Variants in PPM1K observed in about 807,000 individuals in gnomAD.
PPM1K encodes protein phosphatase Mn(2+)-dependent 1K.
A neutral mutation model predicts 32.6 loss-of-function variants in PPM1K; 19 were observed. That is an observed-to-expected ratio of 0.58 (90% CI 0.41 to 0.86). PPM1K has a LOEUF of 0.86. PPM1K is among the 40% of genes least tolerant of loss of function. PPM1K has a pLI of 0.00. For missense variants in PPM1K, 362 were observed against 461.2 expected (o/e 0.78, Z 1.97); for synonymous variants, 159 against 165.3 (o/e 0.96, Z 0.29).
intron 1 of PPM1K, among the ~76,000 whole-genome samples, chr4:88,281,687 T>C (rs1025442015): frequency 6.6e-6 from 1 of 152,192 alleles, no homozygotes; most frequent in African/African-American, 2.4e-5. Context: ...AACGAGATGT[T>C]ACGAACTGGC....
chr4:88,273,334 A>G (rs550223042), intron 3 of PPM1K, among the ~76,000 whole-genome samples: 1 of 152,360 alleles, frequency 6.6e-6, no homozygotes, highest in African/African-American at 2.4e-5. Context: ...GCAAACATAA[A>G]TAAGCAAGCT....
chr4:88,264,548 T>C (rs1359878997), intron 6 of PPM1K, among the ~76,000 whole-genome samples: 1 of 152,218 alleles, frequency 6.6e-6, no homozygotes, highest in Non-Finnish European at 1.5e-5. Context: ...AGTCCAGTTC[T>C]GCAATTTAAT....
chr4:88,271,035 G>C (rs569843432), intron 3 of PPM1K: 1 of 515,952 alleles, frequency 1.9e-6, no homozygotes, highest in African/African-American at 1.9e-5. Flanking sequence ...TCAACTAATG[G>C]GACAAAGAGA....
chr4:88,268,143 C>T (rs1193833816), intron 5 of PPM1K, 47 bp downstream of exon 5: 2 of 1,592,638 alleles, frequency 1.3e-6, no homozygotes, highest in Middle Eastern at 1.7e-4. Context: ...GACAATCCTA[C>T]ATTCACTCTC....
chr4:88,264,995 G>C lies in PPM1K; in HGVS notation c.987+6C>G, dbSNP rs762859745. On this transcript the variant is annotated splice_donor_region_variant and intron_variant, in intron 6 of 6. Coordinates refer to ENST00000608933, the MANE Select transcript of PPM1K (RefSeq NM_152542.5). ...TGGGACTTTTCAGGCAGAAGCTCTGGGTCACCTGTTCAGTCACCGCATGGG... is the reference window on the plus strand; with the variant it reads ...TGGGACTTTTCAGGCAGAAGCTCTGCGTCACCTGTTCAGTCACCGCATGGG... The C allele has an allele frequency of 1.2e-6, 2 of 1,613,768 alleles. No individual in the cohort carries two copies. The highest frequency in any genetic ancestry group is 2.2e-5 in the South Asian group (2 of 91,030).
At chr4:88,279,752 G>A (rs1006019275) in intron 1 of PPM1K, 1 of 152,134 alleles carries the variant, frequency 6.6e-6, no homozygotes, top group Admixed American at 6.5e-5. Context: ...ATAGGATTTT[G>A]TTCTATTACT....
chr4:88,279,460 C>T (rs1178509399), intron 1 of PPM1K: 1 of 152,216 alleles, frequency 6.6e-6, no homozygotes, highest in Admixed American at 6.5e-5. Flanking sequence ...AGGAACCTGG[C>T]AGCACTGCAT....
intron 6 of PPM1K, among the ~76,000 whole-genome samples, chr4:88,264,599 C>A (rs552997621): frequency 6.6e-5 from 10 of 152,200 alleles, no homozygotes; most frequent in African/African-American, 2.2e-4. Flanking sequence ...AGCCTCTGTA[C>A]CTGTTTTCCT....
At position 88,278,507 on chromosome 4, in the gene PPM1K, C is replaced by T. The variant is rs369916009; in HGVS notation, c.77G>A (p.Arg26His). The change falls in exon 2 of 7, where the codon CGC (arginine) becomes CAC (histidine). Residue 26 changes from arginine (R) to histidine (H), a missense_variant. Arg to His is a conservative substitution (Grantham distance 29). Coordinates refer to ENST00000608933, the MANE Select transcript of PPM1K (RefSeq NM_152542.5). This position sits in a 1 kb window ranked among gnomAD's most constrained non-coding sequence, Gnocchi z 4.2. ...CACCCGCCTGTCGTCCTGCAGCAGG[C>T]GGGAGCTTAGCAGCACTCTCCTTCT... is the stretch of plus-strand genomic sequence containing the variant. Reference protein sequence around the residue: ...QVRRRVLLSSRLLQDDRRVTP... With the variant: ...QVRRRVLLSSHLLQDDRRVTP... 3.6e-5 allele frequency: 58 copies of T among 1,614,010 alleles called. No individual in the cohort carries two copies. The highest frequency in any genetic ancestry group is 8.9e-5 in the East Asian group (4 of 44,886).
chr4:88,267,268 CTGAT>C (rs767731722), intron 5 of PPM1K, among the ~76,000 whole-genome samples: 1 of 141,906 alleles, frequency 7.0e-6, no homozygotes, highest in Non-Finnish European at 1.5e-5. Context: ...GTGATGCTGG[CTGAT>C]TGGGTGCAGG....
At chr4:88,271,152 G>A (rs779914681) in intron 3 of PPM1K, 37 of 517,446 alleles carry the variant, frequency 7.2e-5, no homozygotes, top group Admixed American at 6.0e-4. Flanking sequence ...TAGTGTCCAC[G>A]GGCTCCAGGT....
chr4:88,275,783 G>T, intron 3 of PPM1K: 1 of 985,206 alleles, frequency 1.0e-6, no homozygotes, highest in Non-Finnish European at 1.2e-6. Flanking sequence ...AAAACCATAA[G>T]AAAATATTTC....
intron 3 of PPM1K, among the ~76,000 whole-genome samples, chr4:88,274,673 C>A (rs886805856): frequency 3.3e-5 from 5 of 152,110 alleles, no homozygotes; most frequent in African/African-American, 1.2e-4. Context: ...TGCTTCAGTT[C>A]TTGCTAAAAA....
At position 88,262,653 on chromosome 4, in the gene PPM1K, T is replaced by C; in HGVS notation, c.1061A>G (p.Asn354Ser). The C allele has an allele frequency of 6.2e-7, 1 of 1,614,060 alleles. No individual in the cohort carries two copies. Among genetic ancestry groups the C allele is most frequent in the Non-Finnish European group, 8.5e-7 (1 of 1,180,004 alleles). Residue 354 changes from asparagine to serine, a missense_variant, in exon 7 of 7, where the codon AAC becomes AGC. By Grantham distance (46) the Asn-to-Ser change is conservative. Coordinates refer to ENST00000608933, the MANE Select transcript of PPM1K (RefSeq NM_152542.5). ...VPFGAWGKYKNSEINFSFSRS... is the reference protein window; with the variant it reads ...VPFGAWGKYKSSEINFSFSRS... ...GCTGAATGAGAAGTTGATTTCAGAG[T>C]TCTTATATTTTCCCCAGGCACCAAA...
chr4:88,281,001 C>T (rs973104265), intron 1 of PPM1K, among the ~76,000 whole-genome samples: 5 of 151,940 alleles, frequency 3.3e-5, no homozygotes, highest in Admixed American at 1.3e-4. Context: ...TTTAAAAACC[C>T]AATTATGTTA....
In PPM1K at chr4:88,272,084, T is replaced by G. The variant is rs145354452; in HGVS notation, c.542-3178A>C. Among the ~76,000 whole-genome samples, 44 of 152,328 alleles carry G rather than the reference T, an allele frequency of 2.9e-4. 1 individual carries two copies. The East Asian group carries it at 6.7e-3, about 23-fold the overall frequency. ...CTTTTCAAAGTATAATGACCCCTAG[T>G]AATTACTCAATTGTGTAAATAATAC... is the stretch of plus-strand genomic sequence containing the variant. On this transcript the variant is annotated intron_variant, in intron 3 of 6. Coordinates refer to ENST00000608933, the MANE Select transcript of PPM1K (RefSeq NM_152542.5).
intron 3 of PPM1K, chr4:88,275,060 A>G: frequency 2.4e-6 from 2 of 818,958 alleles, no homozygotes; most frequent in Non-Finnish European, 2.9e-6. Flanking sequence ...ATACTTTCAA[A>G]CAAATTACCA....
At chr4:88,277,089 C>T (rs775729290) in intron 3 of PPM1K, 54 bp downstream of exon 3, 1 of 1,362,502 alleles carries the variant, frequency 7.3e-7, no homozygotes, top group East Asian at 2.3e-5. Flanking sequence ...CTTTTTACTC[C>T]TCCCCCACCC....
At chr4:88,270,197 GA>G (rs1268954617) in intron 3 of PPM1K, among the ~76,000 whole-genome samples, 1 of 152,090 alleles carries the variant, frequency 6.6e-6, no homozygotes, top group Non-Finnish European at 1.5e-5. Context: ...TAATGCATTG[GA>G]AGGAGATATA....
Sources: gnomAD v4.1 joint callset for allele counts (sites outside exome capture counted in the v4.1 genomes callset) on GRCh38, gnomAD v4.1.1 for gene constraint, Gnocchi (gnomAD v3.1) non-coding constraint, MANE v1.5 for transcripts, NCBI Gene and HGNC (gene_info 2026-07-23, HGNC 2026-07-21) for gene names.